The following RIPOR2 variants were observed in gnomAD, a reference collection of about 807,000 sequenced individuals.
RIPOR2 encodes the protein rho family-interacting cell polarization regulator 2.
A neutral mutation model predicts 114.5 loss-of-function variants in RIPOR2; 39 were observed. The observed-to-expected ratio is 0.34, with a 90% CI of 0.26 to 0.44. The LOEUF (loss-of-function observed/expected upper bound fraction) is 0.44, where lower values mean the gene tolerates loss of function less well. RIPOR2 is among the 20% of genes least tolerant of loss of function. RIPOR2 has a pLI of 1.00. For synonymous variants in RIPOR2, 445 were observed against 484.4 expected, an observed-to-expected ratio of 0.92 and a Z score of 1.07; for missense variants, 1,007 against 1,255.1, an observed-to-expected ratio of 0.80 and a Z score of 2.99.
intron 18 of RIPOR2, among the ~76,000 whole-genome samples, chr6:24,827,299 T>C (rs1252764207): frequency 1.3e-5 from 2 of 152,130 alleles, no homozygotes; most frequent in Non-Finnish European, 2.9e-5. Context: ...TGAAGGAAGA[T>C]TTTTCTTCCT....
intron 20 of RIPOR2, among the ~76,000 whole-genome samples, chr6:24,811,657 C>CTTTTTTTTTTTTTTTTTTTTTTT (rs1222503239): frequency 2.3e-4 from 5 of 21,728 alleles, no homozygotes; most frequent in Non-Finnish European, 5.6e-4. Context: ...TCGTTTAGTA[C>CTTTTTTTTTTTTTTTTTTTTTTT]TTTTTTTTTT....
chr6:24,952,506 G>T (rs1772828907), intron 1 of RIPOR2, among the ~76,000 whole-genome samples: 1 of 152,156 alleles, frequency 6.6e-6, no homozygotes, highest in Non-Finnish European at 1.5e-5. Context: ...CAACATCATT[G>T]AAGCAAAGTT....
At chr6:24,837,227 A>G (rs148057523) in intron 14 of RIPOR2, among the ~76,000 whole-genome samples, 3,859 of 152,158 alleles carry the variant, frequency 0.025, 160 homozygotes, top group African/African-American at 0.084. Flanking sequence ...GGTTCAAGCC[A>G]TTCTCCCACC....
rs200686463 is a variant in RIPOR2 at position 24,843,390 on chromosome 6, C to T, written c.1329G>A (p.Ala443=). 1.2e-4 allele frequency: 199 copies of T among 1,613,852 alleles called. 2 individuals carry two copies. The East Asian group carries it at 2.8e-3, about 22-fold the overall frequency. ...STNPEITITP[A]EFNLSSLASQ... is the part of the protein sequence containing the mutation. ...AGGCCAAGCTGCTGAGGTTAAACTCCGCAGGGGTGATGGTAATTTCTGGAT... is the reference window on the plus strand; with the variant it reads ...AGGCCAAGCTGCTGAGGTTAAACTCTGCAGGGGTGATGGTAATTTCTGGAT... Residue 443 remains alanine (A), a synonymous_variant, in exon 13 of 22, where the codon GCG becomes GCA. Transcript: ENST00000643898.
At chr6:25,010,371 C>T (rs73384157) in intron 1 of RIPOR2, among the ~76,000 whole-genome samples, 7,295 of 152,158 alleles carry the variant, frequency 0.048, 378 homozygotes, top group African/African-American at 0.13. Context: ...GGCACCCCTT[C>T]ACCTCCCGCC....
chr6:25,011,255 G>C (rs1431826170), intron 1 of RIPOR2, among the ~76,000 whole-genome samples: 1 of 152,124 alleles, frequency 6.6e-6, no homozygotes, highest in Non-Finnish European at 1.5e-5. Flanking sequence ...GTCCACATAT[G>C]TATATGTACA....
intron 17 of RIPOR2, among the ~76,000 whole-genome samples, chr6:24,829,914 G>A (rs1172062964): frequency 1.3e-5 from 2 of 152,162 alleles, no homozygotes; most frequent in African/African-American, 2.4e-5. Flanking sequence ...TCGTACTGGT[G>A]AAATTGTAAT....
intron 1 of RIPOR2, among the ~76,000 whole-genome samples, chr6:25,029,774 ATT>A (rs1356825545): frequency 6.6e-6 from 1 of 152,110 alleles, no homozygotes; most frequent in African/African-American, 2.4e-5. Flanking sequence ...AAGAAAATTG[ATT>A]TTTTTGTCCT....
intron 1 of RIPOR2, among the ~76,000 whole-genome samples, chr6:24,990,981 T>C (rs1313847460): frequency 2.0e-5 from 3 of 152,254 alleles, no homozygotes; most frequent in Non-Finnish European, 2.9e-5. Flanking sequence ...TGGCCAGCCA[T>C]TGGTGGTACC....
At chr6:25,032,574 A>G (rs1581989175) in intron 1 of RIPOR2, among the ~76,000 whole-genome samples, 1 of 152,058 alleles carries the variant, frequency 6.6e-6, no homozygotes, top group East Asian at 1.9e-4. Context: ...TTGATAATAG[A>G]TATGCATACC....
At chr6:24,956,860 C>T (rs905011607) in intron 1 of RIPOR2, among the ~76,000 whole-genome samples, 26 of 152,270 alleles carry the variant, frequency 1.7e-4, no homozygotes, top group East Asian at 1.2e-3. Context: ...TTTTCTCTTT[C>T]GATTACCAGT....
chr6:25,021,653 G>C lies in RIPOR2; in HGVS notation c.76+20198C>G, dbSNP rs543460483. On this transcript the variant is annotated intron_variant, in intron 1 of 13. Transcript: ENST00000510784. ...GGATTCAGAGGGAAAGGGTGGGAAG[G>C]GGGTGAGGGATAAAAGACTGCAAAT... Among the ~76,000 whole-genome samples, 22 of 152,230 alleles carry C rather than the reference G, an allele frequency of 1.4e-4. 1 individual carries two copies. In the South Asian group the frequency reaches 4.6e-3, roughly 32 times the overall value.
rs751574553 is a variant in RIPOR2 at position 24,843,468 on chromosome 6, G to A, written c.1251C>T (p.Asn417=). The change falls in exon 13 of 22, where the codon AAC becomes AAT. Residue 417 remains asparagine (N), a synonymous_variant. Coordinates refer to ENST00000643898, the MANE Select transcript of RIPOR2 (RefSeq NM_001286445.3). ...AGTGGGAGGTGAGGGCGCAGTCCCC[G>A]TTGGGCAGGTCACTGAAGCTGAGCG... ...PLSLSFSDLP[N]GDCALTSHST... 3.1e-5 allele frequency: 50 copies of A among 1,600,364 alleles called. No homozygotes were observed. In the Middle Eastern group the frequency reaches 5.0e-4, roughly 16 times the overall value.
upstream of RIPOR2, among the ~76,000 whole-genome samples, chr6:24,939,695 A>C (rs567548004): frequency 6.6e-6 from 1 of 152,356 alleles, no homozygotes; most frequent in East Asian, 1.9e-4. Context: ...AGTTTTCACT[A>C]AGAAATGAGG....
rs115161578 is a variant in RIPOR2 at position 24,887,727 on chromosome 6, C to G, written c.62-11910G>C. Among the ~76,000 whole-genome samples, 832 of 152,290 alleles carry G rather than the reference C, an allele frequency of 5.5e-3. 5 individuals carry two copies. The highest frequency in any genetic ancestry group is 0.023 in the South Asian group (109 of 4,832). ...AAGAGTAAAGAAGAAATGTTAATAGCATTTCTATTCATTGGGACAGTCAAT... is the reference window on the plus strand; with the variant it reads ...AAGAGTAAAGAAGAAATGTTAATAGGATTTCTATTCATTGGGACAGTCAAT... On this transcript the variant is annotated intron_variant, in intron 1 of 21. Transcript: ENST00000643898.
intron 4 of RIPOR2, among the ~76,000 whole-genome samples, chr6:24,872,544 T>G (rs959320395): frequency 2.0e-5 from 3 of 152,270 alleles, no homozygotes; most frequent in African/African-American, 7.2e-5. Context: ...ACTAACAATA[T>G]GCTAGGAAAA....
chr6:24,984,535 C>A (rs1316656412), intron 1 of RIPOR2, among the ~76,000 whole-genome samples: 3 of 151,858 alleles, frequency 2.0e-5, no homozygotes, highest in Non-Finnish European at 4.4e-5. Flanking sequence ...TGAGATAATG[C>A]ATTTAAAGCA....
intron 1 of RIPOR2, among the ~76,000 whole-genome samples, chr6:24,902,087 G>C (rs953985311): frequency 1.3e-5 from 2 of 152,192 alleles, no homozygotes; most frequent in Non-Finnish European, 2.9e-5. Context: ...GAAGAGAAGC[G>C]GTAGAAAAGG....
chr6:25,011,816 G>A (rs6902131), intron 1 of RIPOR2, among the ~76,000 whole-genome samples: 5,053 of 152,184 alleles, frequency 0.033, 259 homozygotes, highest in African/African-American at 0.11. Context: ...GTGACCTGGC[G>A]TTATGTAATG....
Sources: allele counts gnomAD v4.1 joint callset (sites outside exome capture counted in the v4.1 genomes callset), GRCh38; gene constraint gnomAD v4.1.1; transcripts MANE v1.5; gene names NCBI Gene and HGNC (gene_info 2026-07-23, HGNC 2026-07-21).